The following SDK2 variants were observed in gnomAD, a reference collection of about 807,000 sequenced individuals.
SDK2 encodes protein sidekick-2.
In SDK2, 105 loss-of-function variants were observed where a neutral mutation model predicts 253.9. The observed-to-expected ratio is 0.41, with a 90% CI of 0.35 to 0.49. The LOEUF is 0.49. Among genes scored for constraint, SDK2 ranks in the 20% least tolerant of loss-of-function variants. The pLI is 0.06. For synonymous variants in SDK2, 1,249 were observed against 1,234.9 expected (o/e 1.01, Z -0.24); for missense variants, 2,608 against 3,003.0 (o/e 0.87, Z 3.07).
rs2063206105 is a variant in SDK2 at position 73,419,085 on chromosome 17, A to G, written c.2186+81T>C. Reference sequence around the variant, plus strand: ...GGCGAAGGGCCTGCCATGAATTTGCACTGTTTTCCAGTCCACTCCCGATCT... The same window carrying G: ...GGCGAAGGGCCTGCCATGAATTTGCGCTGTTTTCCAGTCCACTCCCGATCT... On this transcript the variant is annotated intron_variant, in intron 16 of 44. Coordinates refer to ENST00000392650, the MANE Select transcript of SDK2 (RefSeq NM_001144952.2). 2.7e-6 allele frequency: 4 copies of G among 1,490,910 alleles called. No homozygotes were observed. The South Asian group carries it at 3.6e-5, about 13-fold the overall frequency. 92.4% of individuals were successfully genotyped at this position (1,490,910 alleles called of 1,614,324 possible).
At chr17:73,554,911 A>C (rs1040393439) in intron 1 of SDK2, among the ~76,000 whole-genome samples, 1 of 152,214 alleles carries the variant, frequency 6.6e-6, no homozygotes, top group Non-Finnish European at 1.5e-5. Flanking sequence ...AAACTCTGTG[A>C]GTTTCCTCCT....
chr17:73,552,049 C>G (rs998190772), intron 1 of SDK2, among the ~76,000 whole-genome samples: 7 of 152,120 alleles, frequency 4.6e-5, no homozygotes, highest in Non-Finnish European at 1.5e-5. Context: ...AGGCAGGTGC[C>G]GCTGCAGTCC....
chr17:73,443,134 A>T lies in SDK2; in HGVS notation c.614-2211T>A, dbSNP rs1223227988. ...CGGTGACAGTGACAGGCTGTTCTTT[A>T]TGGGGTTAGGGGCAGGGTGCACAGT... On this transcript the variant is annotated intron_variant, in intron 5 of 44. Transcript: ENST00000392650. The surrounding 1 kb of genome is among the most constrained non-coding windows in gnomAD (Gnocchi z 4.6). 1.3e-5 allele frequency among the ~76,000 whole-genome samples: 2 copies of T among 152,070 alleles called. No individual in the cohort carries two copies. The highest frequency in any genetic ancestry group is 4.8e-5 in the African/African-American group (2 of 41,410).
intron 1 of SDK2, among the ~76,000 whole-genome samples, chr17:73,633,133 T>C (rs1008672587): frequency 1.3e-5 from 2 of 151,846 alleles, no homozygotes; most frequent in African/African-American, 4.8e-5. Flanking sequence ...AAAAATAAAA[T>C]GATTAGCTGG....
Position 73,348,710 on chromosome 17 carries a change from G to T in SDK2, c.6054C>A (p.Pro2018=). The change falls in exon 44 of 45, where the codon CCC becomes CCA. Residue 2018 remains proline, a synonymous_variant. Coordinates refer to ENST00000392650, the MANE Select transcript of SDK2 (RefSeq NM_001144952.2). ...NGLYTRSPPR[P]SPGSLHYSDE... The stretch of plus-strand genomic sequence containing the variant: ...CCGAGTAGTGCAGGCTGCCTGGGCT[G>T]GGCCTGGGGGGAGACCTGGAGAGAG... 1 of 1,608,666 alleles carries T rather than the reference G, an allele frequency of 6.2e-7. No homozygotes were observed. The highest frequency in any genetic ancestry group is 1.1e-5 in the South Asian group (1 of 91,014).
At chr17:73,545,707 A>G (rs772217576) in intron 1 of SDK2, among the ~76,000 whole-genome samples, 5 of 152,076 alleles carry the variant, frequency 3.3e-5, no homozygotes, top group Admixed American at 6.5e-5. Flanking sequence ...GACCCCACTG[A>G]GCTGGATGAT....
In SDK2 at chr17:73,548,210, C is replaced by T. The variant is rs145211635; in HGVS notation, c.65-40613G>A. Among the ~76,000 whole-genome samples, 242 of 152,356 alleles carry T rather than the reference C, an allele frequency of 1.6e-3. 1 individual carries two copies. Among genetic ancestry groups the T allele is most frequent in the African/African-American group, 5.2e-3 (217 of 41,584 alleles). On this transcript the variant is annotated intron_variant, in intron 1 of 44. Transcript: ENST00000392650. ...TGAGGTTGAGAGGTTAAGTCACACG[C>T]TAATGTCACGGGGCTAGGAAGTGGC...
At chr17:73,537,114 T>C (rs775685557) in intron 1 of SDK2, among the ~76,000 whole-genome samples, 38 of 152,076 alleles carry the variant, frequency 2.5e-4, no homozygotes, top group Non-Finnish European at 4.7e-4. Context: ...TGTGCGTGCG[T>C]GCGTGTGCGG....
At position 73,375,230 on chromosome 17, in the gene SDK2, CTTTTTTTTTTTT is replaced by C. The variant is rs33992958; in HGVS notation, c.4980+3935_4980+3946del. Reference sequence around the variant, plus strand: ...TCTCATTAAGTCCTTTCCTAACAACCTTTTTTTTTTTTTTTTTTTTTTTTTTTTTTTGAGACA... The same window carrying C: ...TCTCATTAAGTCCTTTCCTAACAACCTTTTTTTTTTTTTTTTTTTGAGACA... On this transcript the variant is annotated intron_variant, in intron 36 of 44. Coordinates refer to ENST00000392650, the MANE Select transcript of SDK2 (RefSeq NM_001144952.2). 2.6e-4 allele frequency among the ~76,000 whole-genome samples: 15 copies of C among 58,658 alleles called. 1 individual carries two copies. In the South Asian group the frequency reaches 7.2e-3, roughly 28 times the overall value. The allele number at this position is 58,658 out of a possible 152,430, so 38.5% of individuals were successfully genotyped here.
rs564644675 is a variant in SDK2 at position 73,622,186 on chromosome 17, T to C, written c.64+21839A>G. On this transcript the variant is annotated intron_variant, in intron 1 of 44. Coordinates refer to ENST00000392650, the MANE Select transcript of SDK2 (RefSeq NM_001144952.2). Reference sequence around the variant, plus strand: ...AGAAGGCTTTGCCCAGGCTCATTCCTGCCCAGCCATGGGCTATAAGTCCTT... The same window carrying C: ...AGAAGGCTTTGCCCAGGCTCATTCCCGCCCAGCCATGGGCTATAAGTCCTT... Among the ~76,000 whole-genome samples the C allele has an allele frequency of 5.9e-5, 9 of 152,378 alleles. No homozygotes were observed. The East Asian group carries it at 1.7e-3, about 29-fold the overall frequency.
At chr17:73,397,784 T>A (rs2062983908) in intron 24 of SDK2, among the ~76,000 whole-genome samples, 1 of 152,202 alleles carries the variant, frequency 6.6e-6, no homozygotes, top group Admixed American at 6.5e-5. Context: ...ATTGGGAGAA[T>A]CAAATGGGAT....
chr17:73,339,064 G>T, intron 44 of SDK2, 124 bp from the exon 45 acceptor site: 3 of 852,968 alleles, frequency 3.5e-6, no homozygotes, highest in Non-Finnish European at 5.6e-6. Context: ...GACTTGGACT[G>T]TGGGCCTCCC....
At chr17:73,414,955 T>TGG (rs1220666826) in intron 17 of SDK2, among the ~76,000 whole-genome samples, 196 bp from the exon 18 acceptor site, 4 of 152,174 alleles carry the variant, frequency 2.6e-5, no homozygotes, top group Admixed American at 6.5e-5. Flanking sequence ...TTAATAAAAC[T>TGG]TGCCTGACCC....
chr17:73,597,459 C>G (rs1381042522), intron 1 of SDK2, among the ~76,000 whole-genome samples: 1 of 152,146 alleles, frequency 6.6e-6, no homozygotes, highest in African/African-American at 2.4e-5. Flanking sequence ...GCGATGTGGA[C>G]GTATCTGTCT....
At chr17:73,641,464 A>G (rs559391689) in intron 1 of SDK2, among the ~76,000 whole-genome samples, 10 of 152,284 alleles carry the variant, frequency 6.6e-5, no homozygotes, top group South Asian at 2.1e-4. Flanking sequence ...CTCTTTCTAC[A>G]ACCTCACTGC....
chr17:73,430,676 G>A, intron 11 of SDK2, 63 bp from the exon 12 acceptor site: 1 of 1,142,576 alleles, frequency 8.8e-7, no homozygotes, highest in Non-Finnish European at 1.2e-6. Context: ...GCTGGACTCT[G>A]GGTGGATACC....
chr17:73,562,256 A>G (rs771171945), intron 1 of SDK2, among the ~76,000 whole-genome samples: 4 of 152,254 alleles, frequency 2.6e-5, no homozygotes, highest in Non-Finnish European at 4.4e-5. Flanking sequence ...CCTCCAAGGT[A>G]CCAGGATGGT....
At chr17:73,451,333 C>T (rs1054908372) in intron 4 of SDK2, among the ~76,000 whole-genome samples, 1 of 152,116 alleles carries the variant, frequency 6.6e-6, no homozygotes, top group Admixed American at 6.5e-5. Context: ...ATGGTAAAAC[C>T]CTGTATCTAC....
chr17:73,472,005 G>T, intron 3 of SDK2, 107 bp downstream of exon 3: 1 of 785,248 alleles, frequency 1.3e-6, no homozygotes, highest in Non-Finnish European at 2.1e-6. Flanking sequence ...GCACTCAGTG[G>T]GTGTTGATGG....
Sources: gnomAD v4.1 joint callset for allele counts (sites outside exome capture counted in the v4.1 genomes callset) on GRCh38, gnomAD v4.1.1 for gene constraint, Gnocchi (gnomAD v3.1) non-coding constraint, MANE v1.5 for transcripts, NCBI Gene and HGNC (gene_info 2026-07-23, HGNC 2026-07-21) for gene names.